Variants in RNF13 observed in about 807,000 individuals in gnomAD.
RNF13 encodes the protein E3 ubiquitin-protein ligase RNF13.
RNF13 carries 19 observed loss-of-function variants against 37.7 expected under a neutral mutation model. The observed-to-expected ratio is 0.50, with a 90% CI of 0.35 to 0.74. The LOEUF is 0.74. Ranked by LOEUF, RNF13 falls within the 30% of genes least tolerant of loss-of-function variation. The pLI is 0.01. For synonymous variants in RNF13, 144 were observed against 157.8 expected (o/e 0.91, Z 0.65); for missense variants, 375 against 453.0 (o/e 0.83, Z 1.56).
At chr3:149,876,861 C>T (rs1170640183) in intron 4 of RNF13, among the ~76,000 whole-genome samples, 1 of 150,052 alleles carries the variant, frequency 6.7e-6, no homozygotes, top group Non-Finnish European at 1.5e-5. Flanking sequence ...TCACTGCAAC[C>T]TCTGCCTCCC....
intron 1 of RNF13, among the ~76,000 whole-genome samples, chr3:149,843,299 G>T (rs996375850): frequency 6.6e-6 from 1 of 152,120 alleles, no homozygotes; most frequent in African/African-American, 2.4e-5. Flanking sequence ...TATCCGCAGG[G>T]AGTCCTGGAA....
chr3:149,854,041 G>T (rs1270385604), intron 3 of RNF13, among the ~76,000 whole-genome samples: 1 of 151,792 alleles, frequency 6.6e-6, no homozygotes, highest in Admixed American at 6.6e-5. Context: ...TCGCCATGTT[G>T]CCCAGGCTGG....
chr3:149,885,750 G>T (rs761751452), intron 4 of RNF13, among the ~76,000 whole-genome samples: 1 of 152,060 alleles, frequency 6.6e-6, no homozygotes, highest in Non-Finnish European at 1.5e-5. Flanking sequence ...GAGTCCATTT[G>T]TCCCTTTTGC....
At chr3:149,939,742 A>C (rs934229810) in intron 8 of RNF13, 1 of 664,434 alleles carries the variant, frequency 1.5e-6, no homozygotes. Context: ...TTGACAACTG[A>C]AAAGATAGTT....
intron 8 of RNF13, among the ~76,000 whole-genome samples, chr3:149,931,285 ACTG>A (rs1417329279): frequency 6.6e-6 from 1 of 151,950 alleles, no homozygotes; most frequent in East Asian, 1.9e-4. Flanking sequence ...CCAGGTCTGA[ACTG>A]CTGGCCTCAA....
rs1258929743 is a variant in RNF13, at chr3:149,962,123, C to CTT, written c.*1021_*1022dup. ...TGAATGTTAATAAACATGTTTTCCA[C>CTT]TTTAAGATCCAGTAAATGTCTGTTC... On this transcript the variant is annotated 3_prime_UTR_variant, in exon 10 of 10. Coordinates refer to ENST00000392894, the MANE Select transcript of RNF13 (RefSeq NM_183381.3). The CTT allele has an allele frequency of 1.3e-5, 2 of 152,582 alleles. No homozygotes were observed. Among genetic ancestry groups the CTT allele is most frequent in the Admixed American group, 6.5e-5 (1 of 15,282 alleles). 9.5% of individuals were successfully genotyped at this position (152,582 alleles called of 1,614,324 possible).
chr3:149,854,601 A>ACT (rs527740617), intron 3 of RNF13, among the ~76,000 whole-genome samples: 119 of 152,284 alleles, frequency 7.8e-4, no homozygotes, highest in Admixed American at 1.7e-3. Context: ...CAGTTTCTAA[A>ACT]CTGTTACAGG....
At chr3:149,881,561 C>T (rs1046309396) in intron 4 of RNF13, among the ~76,000 whole-genome samples, 3 of 152,138 alleles carry the variant, frequency 2.0e-5, no homozygotes, top group African/African-American at 7.2e-5. Flanking sequence ...GAACCCCTGA[C>T]CTCAAGTGAT....
chr3:149,903,618 T>C (rs1255108120), intron 6 of RNF13, among the ~76,000 whole-genome samples: 1 of 152,144 alleles, frequency 6.6e-6, no homozygotes, highest in Non-Finnish European at 1.5e-5. Flanking sequence ...GTTTTGACCC[T>C]TTCCAGGTGA....
At chr3:149,891,476 A>T (rs888874907) in intron 4 of RNF13, among the ~76,000 whole-genome samples, 2 of 152,218 alleles carry the variant, frequency 1.3e-5, no homozygotes, top group Admixed American at 1.3e-4. Flanking sequence ...GCAGTCTGCT[A>T]TCTTCTGACA....
Position 149,895,438 on chromosome 3 carries a change from T to C in RNF13, c.322-35T>C, listed in dbSNP as rs765945590. ...AAAAGACAAACCACTGTCTTCCTTA[T>C]AACATAATTTTTTTTTTTTTTTTTT... is the stretch of plus-strand genomic sequence containing the variant. On this transcript the variant is annotated intron_variant, in intron 4 of 9. Coordinates refer to ENST00000392894, the MANE Select transcript of RNF13 (RefSeq NM_183381.3). 9 of 1,256,076 alleles carry C rather than the reference T, an allele frequency of 7.2e-6. No individual in the cohort carries two copies. The African/African-American group carries it at 1.5e-4, about 21-fold the overall frequency. 77.8% of individuals were successfully genotyped at this position (1,256,076 alleles called of 1,614,324 possible).
At position 149,846,986 on chromosome 3, in the gene RNF13, G is replaced by A. The variant is rs544149377; in HGVS notation, c.114+846G>A. Among the ~76,000 whole-genome samples, 14 of 152,252 alleles carry A rather than the reference G, an allele frequency of 9.2e-5. No homozygotes were observed. The South Asian group carries it at 2.7e-3, about 29-fold the overall frequency. ...CTTAGCATAGCCTCTCTTAGCTACT[G>A]TCTTACTTTCCTCCACACTGGGGAG... On this transcript the variant is annotated intron_variant, in intron 2 of 9. Transcript: ENST00000392894.
chr3:149,837,367 A>G (rs1336079517), intron 1 of RNF13, among the ~76,000 whole-genome samples: 2 of 152,136 alleles, frequency 1.3e-5, no homozygotes, highest in African/African-American at 2.4e-5. Flanking sequence ...TTTCTTTCCT[A>G]AGTACTTTAC....
chr3:149,945,290 G>T (rs997437485), intron 8 of RNF13, among the ~76,000 whole-genome samples: 1 of 152,156 alleles, frequency 6.6e-6, no homozygotes, highest in Non-Finnish European at 1.5e-5. Flanking sequence ...CTGGCAGTGT[G>T]GGCTCTTTTT....
intron 7 of RNF13, among the ~76,000 whole-genome samples, chr3:149,913,098 G>C (rs978150794): frequency 1.3e-5 from 2 of 152,030 alleles, no homozygotes; most frequent in African/African-American, 4.8e-5. Flanking sequence ...TCATAGATTA[G>C]TTTAAAGATT....
intron 1 of RNF13, among the ~76,000 whole-genome samples, chr3:149,821,614 AT>A (rs34701678): frequency 0.9 from 135,549 of 150,870 alleles, 60,973 homozygotes; most frequent in African/African-American, 0.94. Flanking sequence ...CATTATGTGG[AT>A]TTTTTTTTTC....
chr3:149,816,124 T>C (rs976756083), intron 1 of RNF13, among the ~76,000 whole-genome samples: 1 of 151,092 alleles, frequency 6.6e-6, no homozygotes, highest in South Asian at 2.1e-4. Context: ...GGTATGAAAC[T>C]TTAGGGTTCA....
intron 3 of RNF13, among the ~76,000 whole-genome samples, chr3:149,854,236 T>C (rs1007645614): frequency 6.6e-6 from 1 of 152,174 alleles, no homozygotes; most frequent in Non-Finnish European, 1.5e-5. Flanking sequence ...AAAAAATTCA[T>C]AGCATTGTAT....
chr3:149,886,863 T>G (rs931033384), intron 4 of RNF13, among the ~76,000 whole-genome samples: 2 of 152,224 alleles, frequency 1.3e-5, no homozygotes, highest in Admixed American at 6.5e-5. Flanking sequence ...ATATGTTTTG[T>G]TTTTGCTTTC....
Sources: allele counts gnomAD v4.1 joint callset (sites outside exome capture counted in the v4.1 genomes callset), GRCh38; gene constraint gnomAD v4.1.1; transcripts MANE v1.5; gene names NCBI Gene and HGNC (gene_info 2026-07-23, HGNC 2026-07-21).